CDKN2B-AS1: variants seen among roughly 807,000 people sequenced by gnomAD.
CDKN2B-AS1 encodes the protein CDKN2B antisense RNA 1 (non-protein coding).
chr9:22,127,769 A>T (rs1818038751), exon 5 of CDKN2B-AS1, among the ~76,000 whole-genome samples: 2 of 152,366 alleles, frequency 1.3e-5, no homozygotes, highest in South Asian at 2.1e-4. Context: ...ATGTTGAACC[A>T]TGAAAACTCT....
At chr9:22,008,955 C>A (rs751030214) in intron 1 of CDKN2B-AS1, 1 of 1,613,126 alleles carries the variant, frequency 6.2e-7, no homozygotes, top group Admixed American at 1.7e-5. Context: ...CTCGCGCATT[C>A]CGCAGCCCCC....
intron 4 of CDKN2B-AS1, among the ~76,000 whole-genome samples, chr9:22,079,459 G>T (rs1166342214): frequency 1.3e-5 from 2 of 150,190 alleles, no homozygotes; most frequent in Non-Finnish European, 2.9e-5. Context: ...CTGTACTCCA[G>T]CTTGGGTGAC....
intron 3 of CDKN2B-AS1, among the ~76,000 whole-genome samples, chr9:22,052,281 G>A (rs1052449092): frequency 6.6e-6 from 1 of 152,048 alleles, no homozygotes; most frequent in African/African-American, 2.4e-5. Context: ...GCCCTACATG[G>A]TCCCTAGAGC....
Position 22,098,787 on chromosome 9 carries a change from C to G in CDKN2B-AS1, n.439-28316C>G, listed in dbSNP as rs189322755. On this transcript the variant is annotated intron_variant and non_coding_transcript_variant, in intron 4 of 4. Coordinates refer to ENST00000650946, the Ensembl canonical transcript of CDKN2B-AS1. ...AGAGCCCAGAACTGGCATCTTCTGA[C>G]TTCAGATCCCATGTACTTTCCCCTA... Among the ~76,000 whole-genome samples, 709 of 152,268 alleles carry G rather than the reference C, an allele frequency of 4.7e-3. 4 individuals are homozygous for G. Among genetic ancestry groups the G allele is most frequent in the African/African-American group, 0.016 (675 of 41,564 alleles).
At chr9:22,071,678 A>G (rs1466785220) in intron 4 of CDKN2B-AS1, among the ~76,000 whole-genome samples, 3 of 152,002 alleles carry the variant, frequency 2.0e-5, no homozygotes, top group Non-Finnish European at 2.9e-5. Flanking sequence ...AGTACACTCA[A>G]TTTTCAAGTA....
At chr9:22,092,556 A>T (rs528261011) in intron 4 of CDKN2B-AS1, 1 of 152,120 alleles carries the variant, frequency 6.6e-6, no homozygotes, top group African/African-American at 2.4e-5. Flanking sequence ...TCTTGAGAGG[A>T]TGTATGTGTC....
At chr9:22,024,477 T>G (rs1822148933) in intron 1 of CDKN2B-AS1, among the ~76,000 whole-genome samples, 1 of 152,150 alleles carries the variant, frequency 6.6e-6, no homozygotes, top group Non-Finnish European at 1.5e-5. Flanking sequence ...TGGTGTTGGT[T>G]TGGTGAGAGG....
intron 1 of CDKN2B-AS1, chr9:22,008,976 C>A (rs747087113): frequency 1.2e-6 from 2 of 1,613,252 alleles, no homozygotes; most frequent in Non-Finnish European, 1.7e-6. Context: ...AGACGCGCAG[C>A]GGCCCGGATA....
intron 4 of CDKN2B-AS1, among the ~76,000 whole-genome samples, chr9:22,081,969 T>C (rs1371644553): frequency 6.6e-6 from 1 of 152,222 alleles, no homozygotes; most frequent in Non-Finnish European, 1.5e-5. Flanking sequence ...GGGGTCTTGC[T>C]TCAACCACCA....
At chr9:22,065,246 C>T (rs897651036) in intron 4 of CDKN2B-AS1, among the ~76,000 whole-genome samples, 1 of 152,182 alleles carries the variant, frequency 6.6e-6, no homozygotes, top group Admixed American at 6.5e-5. Context: ...CCATCTAGGC[C>T]ACCCACCAGG....
intron 1 of CDKN2B-AS1, among the ~76,000 whole-genome samples, chr9:22,016,853 T>C (rs531177546): frequency 7.9e-4 from 120 of 152,346 alleles, no homozygotes; most frequent in African/African-American, 2.9e-3. Context: ...ATTTTAACAT[T>C]ATTACTATAA....
At chr9:22,002,713 A>G (rs1380415439) in intron 1 of CDKN2B-AS1, among the ~76,000 whole-genome samples, 1 of 152,036 alleles carries the variant, frequency 6.6e-6, no homozygotes, top group Non-Finnish European at 1.5e-5. Flanking sequence ...ATTTTCCCAG[A>G]GGCGTTTGGG....
chr9:22,082,662 A>T (rs896182797), intron 4 of CDKN2B-AS1, among the ~76,000 whole-genome samples: 6 of 152,198 alleles, frequency 3.9e-5, no homozygotes, highest in African/African-American at 1.4e-4. Context: ...ATTTTTAAGG[A>T]GGAGCATATA....
At chr9:22,106,151 CG>C (rs1825651922) in intron 4 of CDKN2B-AS1, among the ~76,000 whole-genome samples, 1 of 152,054 alleles carries the variant, frequency 6.6e-6, no homozygotes, top group African/African-American at 2.4e-5. Context: ...GGCATGAACT[CG>C]GCTCACTGCA....
chr9:22,025,831 G>T (rs543864736), intron 1 of CDKN2B-AS1, among the ~76,000 whole-genome samples: 3 of 152,280 alleles, frequency 2.0e-5, no homozygotes, highest in Non-Finnish European at 4.4e-5. Context: ...TTCAAAAGTA[G>T]TCTTGCCCCA....
chr9:22,126,103 A>G (rs1818012899), intron 4 of CDKN2B-AS1, among the ~76,000 whole-genome samples: 1 of 152,186 alleles, frequency 6.6e-6, no homozygotes, highest in Non-Finnish European at 1.5e-5. Flanking sequence ...TGTTGACTGG[A>G]AGCCTTATCA....
Position 22,030,595 on chromosome 9 carries a change from T to G in CDKN2B-AS1, n.30-16156T>G, listed in dbSNP as rs1822427889. ...TGGAAGTTCAGCCCTTTAAAACTACTGGCAGAGTAGATTTTACTCAGGCTT... is the reference window on the plus strand; with the variant it reads ...TGGAAGTTCAGCCCTTTAAAACTACGGGCAGAGTAGATTTTACTCAGGCTT... On this transcript the variant is annotated intron_variant and non_coding_transcript_variant, in intron 1 of 4. Coordinates refer to ENST00000650946, the Ensembl canonical transcript of CDKN2B-AS1. 3 of 152,188 alleles carry G rather than the reference T, an allele frequency of 2.0e-5. No individual in the cohort carries two copies. In the South Asian group the frequency reaches 6.2e-4, roughly 31 times the overall value. 9.4% of individuals were successfully genotyped at this position (152,188 alleles called of 1,614,324 possible). A position where few individuals can be genotyped will look rare whatever the true frequency, so the allele number is the denominator to read the frequency against.
rs80076828 is a variant in CDKN2B-AS1 at position 22,087,605 on chromosome 9, A to C, written n.438+31218A>C. 9.0e-3 allele frequency among the ~76,000 whole-genome samples: 1,377 copies of C among 152,324 alleles called. 109 individuals carry two copies. In the East Asian group the frequency reaches 0.19, roughly 21 times the overall value. ...ATAATATTTGTCCTAAATAAATTGA[A>C]TAGACTGTCAATCTTTTGAAAATAA... On this transcript the variant is annotated intron_variant and non_coding_transcript_variant, in intron 4 of 4. Transcript: ENST00000650946.
intron 4 of CDKN2B-AS1, among the ~76,000 whole-genome samples, chr9:22,073,205 A>G (rs1015085969): frequency 6.6e-6 from 1 of 152,208 alleles, no homozygotes; most frequent in Non-Finnish European, 1.5e-5. Flanking sequence ...AAAAAGGAAT[A>G]GGTATACTCT....
Sources: allele counts gnomAD v4.1 joint callset (sites outside exome capture counted in the v4.1 genomes callset), GRCh38; gene constraint gnomAD v4.1.1; transcripts MANE v1.5; gene names NCBI Gene and HGNC (gene_info 2026-07-23, HGNC 2026-07-21).